SGCD: variants seen among roughly 807,000 people sequenced by gnomAD.
SGCD encodes the protein delta-sarcoglycan.
SGCD carries 18 observed loss-of-function variants against 36.6 expected under a neutral mutation model. The ratio of observed to expected loss-of-function variants is 0.49; its 90% CI spans 0.34 to 0.73. SGCD has a LOEUF of 0.73. Ranked by LOEUF, SGCD falls within the 30% of genes least tolerant of loss-of-function variation. SGCD has a pLI of 0.01. For missense variants in SGCD, 387 were observed against 346.7 expected (o/e 1.12, Z -0.92); for synonymous variants, 133 against 130.6 (o/e 1.02, Z -0.12).
chr5:156,621,540 G>A (rs1365678751), intron 6 of SGCD, among the ~76,000 whole-genome samples: 1 of 152,078 alleles, frequency 6.6e-6, no homozygotes, highest in East Asian at 1.9e-4. Flanking sequence ...TGTGCGTTAT[G>A]GGAGCAAAGT....
At chr5:156,354,079 ATACTT>A (rs1352601664) in intron 3 of SGCD, among the ~76,000 whole-genome samples, 2 of 152,254 alleles carry the variant, frequency 1.3e-5, no homozygotes, top group Admixed American at 6.5e-5. Context: ...AAACAATTCT[ATACTT>A]TAAGTACTCA....
chr5:155,974,186 GGA>G (rs1374850623), intron 1 of SGCD, among the ~76,000 whole-genome samples: 6 of 152,118 alleles, frequency 3.9e-5, no homozygotes, highest in Non-Finnish European at 8.8e-5. Context: ...CTATGGAAAA[GGA>G]GAGAGAGAAA....
At chr5:156,124,289 T>C (rs2127603667) in intron 3 of SGCD, among the ~76,000 whole-genome samples, 1 of 152,246 alleles carries the variant, frequency 6.6e-6, no homozygotes, top group South Asian at 2.1e-4. Context: ...CATGCAGAGA[T>C]GTTTGTGCAG....
chr5:156,141,309 A>G (rs996051339), intron 3 of SGCD, among the ~76,000 whole-genome samples: 1 of 152,154 alleles, frequency 6.6e-6, no homozygotes, highest in Non-Finnish European at 1.5e-5. Flanking sequence ...AGCTAGGAAA[A>G]TGTCTAGTAG....
At chr5:155,926,524 G>A (rs1757000269) in intron 1 of SGCD, among the ~76,000 whole-genome samples, 1 of 152,132 alleles carries the variant, frequency 6.6e-6, no homozygotes, top group South Asian at 2.1e-4. Context: ...TAAAGTAAAA[G>A]GATATATCTT....
intron 7 of SGCD, among the ~76,000 whole-genome samples, chr5:156,672,728 T>A (rs2113662043): frequency 1.3e-5 from 2 of 152,238 alleles, no homozygotes; most frequent in South Asian, 2.1e-4. Context: ...ATTGTATGAG[T>A]GTTTCAGGAA....
At chr5:156,128,792 A>G (rs1762242086) in intron 3 of SGCD, among the ~76,000 whole-genome samples, 2 of 152,178 alleles carry the variant, frequency 1.3e-5, no homozygotes, top group Admixed American at 1.3e-4. Context: ...CTGTGAGTCA[A>G]TTAAACCTCT....
At chr5:156,682,563 C>T (rs1177449648) in intron 7 of SGCD, among the ~76,000 whole-genome samples, 2 of 152,208 alleles carry the variant, frequency 1.3e-5, no homozygotes, top group Non-Finnish European at 2.9e-5. Flanking sequence ...AGGCAGTATA[C>T]TTCAGACTTG....
chr5:156,436,485 T>C (rs1043090282), intron 3 of SGCD, among the ~76,000 whole-genome samples: 2 of 152,188 alleles, frequency 1.3e-5, no homozygotes, highest in Admixed American at 1.3e-4. Flanking sequence ...CTGTTCCTTA[T>C]CTCTGATGCT....
At chr5:156,178,741 A>G (rs1323799283) in intron 3 of SGCD, among the ~76,000 whole-genome samples, 4 of 151,996 alleles carry the variant, frequency 2.6e-5, no homozygotes, top group African/African-American at 7.2e-5. Flanking sequence ...ATGCCTGGCT[A>G]ATTTTTGTAT....
intron 3 of SGCD, among the ~76,000 whole-genome samples, chr5:156,479,633 C>G (rs555362868): frequency 1.3e-5 from 2 of 152,292 alleles, no homozygotes; most frequent in South Asian, 4.1e-4. Context: ...CTCACAACTC[C>G]AAGAATCCCT....
At chr5:156,242,476 C>T (rs1410643914) in intron 3 of SGCD, among the ~76,000 whole-genome samples, 2 of 152,172 alleles carry the variant, frequency 1.3e-5, no homozygotes. Context: ...GACCTACGCA[C>T]GTGAGTACAT....
chr5:155,748,452 G>A, the SGCD span, among the ~76,000 whole-genome samples: 17 of 152,120 alleles, frequency 1.1e-4, no homozygotes, highest in Admixed American at 2.0e-4. Context: ...TACCTGAGGC[G>A]TATGGTTCTC....
intron 1 of SGCD, among the ~76,000 whole-genome samples, chr5:155,958,643 G>C (rs969199591): frequency 1.3e-5 from 2 of 152,106 alleles, no homozygotes; most frequent in Non-Finnish European, 1.5e-5. Flanking sequence ...TTAAAAAATA[G>C]ATAAATCTTG....
rs1359076875 is a variant in SGCD, at chr5:155,981,270, A to T, written c.-282+110846A>T. On this transcript the variant is annotated intron_variant, in intron 1 of 9. Coordinates refer to the SGCD transcript ENST00000517913. Reference sequence around the variant, plus strand: ...GGAGGACATTCAGAGCTGCACACAGAATCCCCGACTTGGGGCCATGGAATT... The same window carrying T: ...GGAGGACATTCAGAGCTGCACACAGTATCCCCGACTTGGGGCCATGGAATT... Among the ~76,000 whole-genome samples the T allele has an allele frequency of 2.6e-5, 4 of 152,194 alleles. No homozygotes were observed. The East Asian group carries it at 7.7e-4, about 29-fold the overall frequency.
At chr5:156,537,026 C>T (rs1321812047) in intron 4 of SGCD, among the ~76,000 whole-genome samples, 1 of 152,096 alleles carries the variant, frequency 6.6e-6, no homozygotes, top group Non-Finnish European at 1.5e-5. Flanking sequence ...AGCTGACTTC[C>T]TCCCTCGTGA....
At chr5:156,309,601 ATTT>A (rs3043458) in intron 3 of SGCD, among the ~76,000 whole-genome samples, 25 of 121,118 alleles carry the variant, frequency 2.1e-4, no homozygotes, top group Middle Eastern at 4.4e-3. Context: ...ATCTTTGAGC[ATTT>A]TTTTTTTTTT....
At chr5:155,899,428 GT>G (rs943657720) in intron 1 of SGCD, among the ~76,000 whole-genome samples, 20 of 152,228 alleles carry the variant, frequency 1.3e-4, no homozygotes, top group Admixed American at 1.2e-3. Context: ...AAAGAGCATT[GT>G]TTCAAAAATC....
At chr5:156,260,278 C>T (rs1765825161) in intron 3 of SGCD, among the ~76,000 whole-genome samples, 1 of 152,116 alleles carries the variant, frequency 6.6e-6, no homozygotes, top group Non-Finnish European at 1.5e-5. Context: ...TTGTCTAGTT[C>T]TTAAGTAGCC....
Sources: allele counts gnomAD v4.1 joint callset (sites outside exome capture counted in the v4.1 genomes callset), GRCh38; gene constraint gnomAD v4.1.1; transcripts MANE v1.5; gene names NCBI Gene and HGNC (gene_info 2026-07-23, HGNC 2026-07-21).